The following PRKCG variants were observed in gnomAD, a reference collection of about 807,000 sequenced individuals.
PRKCG encodes the protein protein kinase C gamma type.
Under a neutral mutation model 82.0 loss-of-function variants are expected in PRKCG, and 28 were observed. The observed-to-expected ratio is 0.34, with a 90% CI of 0.25 to 0.47. The LOEUF (loss-of-function observed/expected upper bound fraction) is 0.47. Among genes scored for constraint, PRKCG ranks in the 20% least tolerant of loss-of-function variants. The pLI is 1.00. For synonymous variants in PRKCG, 383 were observed against 376.6 expected (o/e 1.02, Z -0.20); for missense variants, 640 against 952.7 (o/e 0.67, Z 4.32).
intron 5 of PRKCG, among the ~76,000 whole-genome samples, chr19:53,891,221 C>T (rs1328462427): frequency 1.3e-5 from 2 of 151,318 alleles, no homozygotes; most frequent in Non-Finnish European, 2.9e-5. Flanking sequence ...TATGCCCTGT[C>T]TTCTGGGTTC....
chr19:53,892,898 CTGTGTCTCTT>C lies in PRKCG; in HGVS notation c.822-88_822-79del. 1 of 1,272,656 alleles carries C rather than the reference CTGTGTCTCTT, an allele frequency of 7.9e-7. No individual in the cohort carries two copies. Among genetic ancestry groups the C allele is most frequent in the Admixed American group, 1.8e-5 (1 of 55,006 alleles). The allele number at this position is 1,272,656 out of a possible 1,614,324, so 78.8% of individuals were successfully genotyped here. ...CTCTTCCATCTCTGTGTCCGTCTCT[CTGTGTCTCTT>C]TCCTCCCTTCCAATGTCTTTGCCTC... On this transcript the variant is annotated intron_variant, in intron 7 of 17. Coordinates refer to ENST00000263431, the MANE Select transcript of PRKCG (RefSeq NM_002739.5). The surrounding 1 kb of genome is among the most constrained non-coding windows in gnomAD (Gnocchi z 5.9).
At chr19:53,899,711 T>C (rs1247743361) in intron 11 of PRKCG, among the ~76,000 whole-genome samples, 1 of 152,038 alleles carries the variant, frequency 6.6e-6, no homozygotes, top group Non-Finnish European at 1.5e-5. Flanking sequence ...CTCAGCCTCC[T>C]GAGTAGCTGG....
chr19:53,897,427 T>C (rs1176286821), intron 9 of PRKCG, among the ~76,000 whole-genome samples: 1 of 152,156 alleles, frequency 6.6e-6, no homozygotes, highest in Non-Finnish European at 1.5e-5. Context: ...GCAGCACCCA[T>C]GTCACCCAGA....
chr19:53,893,012 G>C lies in PRKCG; in HGVS notation c.846G>C (p.Glu282Asp). 6.2e-7 allele frequency: 1 copy of C among 1,614,086 alleles called. No homozygotes were observed. Among genetic ancestry groups the C allele is most frequent in the Non-Finnish European group, 8.5e-7 (1 of 1,180,018 alleles). ...GGTACAAGTTACTGAACCAGGAGGA[G>C]GGCGAGTATTACAATGTGCCGGTGG... ...DGWYKLLNQE[E>D]GEYYNVPVAD... Residue 282 changes from glutamate to aspartate, a missense_variant, in exon 8 of 18, where the codon GAG becomes GAC. Physicochemically the swap from Glu to Asp is conservative, Grantham distance 45. Transcript: ENST00000263431.
At position 53,906,976 on chromosome 19, in the gene PRKCG, C is replaced by G; in HGVS notation, c.*81C>G. On this transcript the variant is annotated 3_prime_UTR_variant, in exon 18 of 18. Transcript: ENST00000263431. ...CCCCACTTCACCCCCAACTTCACCA[C>G]CCCCTGTCCCATTCTAGATCCTGCA... The G allele has an allele frequency of 6.3e-7, 1 of 1,593,704 alleles. No homozygotes were observed. Among genetic ancestry groups the G allele is most frequent in the Non-Finnish European group, 8.5e-7 (1 of 1,171,016 alleles).
rs1214029838 is a variant in PRKCG at position 53,900,241 on chromosome 19, G to A, written c.1290G>A (p.Leu430=). The A allele has an allele frequency of 3.1e-6, 5 of 1,613,998 alleles. No individual in the cohort carries two copies. Among genetic ancestry groups the A allele is most frequent in the Admixed American group, 1.7e-5 (1 of 59,996 alleles). ...LHSTFQTPDR[L]YFVMEYVTGG... The stretch of plus-strand genomic sequence containing the variant: ...CATGCACTTCTCCGCAGGACCGCCT[G>A]TATTTCGTGATGGAGTACGTCACCG... The change falls in exon 12 of 18, where the codon CTG becomes CTA. Residue 430 remains leucine (L), a synonymous_variant. Transcript: ENST00000263431. This position sits in a 1 kb window ranked among gnomAD's most constrained non-coding sequence, Gnocchi z 4.2.
At position 53,884,071 on chromosome 19, in the gene PRKCG, C is replaced by A; in HGVS notation, c.203-90C>A. 1.6e-6 allele frequency: 2 copies of A among 1,281,886 alleles called. No individual in the cohort carries two copies. Among genetic ancestry groups the A allele is most frequent in the South Asian group, 1.2e-5 (1 of 83,834 alleles). 79.4% of individuals were successfully genotyped at this position (1,281,886 alleles called of 1,614,324 possible). A position where few individuals can be genotyped will look rare whatever the true frequency, so the allele number is the denominator to read the frequency against. ...TTCTGGTTTTCTCAGTGTCCGAGTT[C>A]CGCTCTCTCTTTCCAATTTTCTGTC... On this transcript the variant is annotated intron_variant, in intron 2 of 17. Transcript: ENST00000263431. The surrounding 1 kb of genome is among the most constrained non-coding windows in gnomAD (Gnocchi z 4.6).
intron 9 of PRKCG, among the ~76,000 whole-genome samples, chr19:53,893,724 A>C (rs889619987): frequency 6.6e-6 from 1 of 152,034 alleles, no homozygotes; most frequent in African/African-American, 2.4e-5. Flanking sequence ...GTGACGCCTG[A>C]ATTGATTCTT....
intron 3 of PRKCG, among the ~76,000 whole-genome samples, chr19:53,888,507 G>A (rs1452764410): frequency 4.6e-5 from 7 of 152,122 alleles, no homozygotes; most frequent in Admixed American, 4.6e-4. Flanking sequence ...AGGATGCTGA[G>A]GCTCAAAACT....
intron 9 of PRKCG, among the ~76,000 whole-genome samples, chr19:53,894,489 T>A (rs1441243053): frequency 6.6e-6 from 1 of 151,784 alleles, no homozygotes; most frequent in Non-Finnish European, 1.5e-5. Context: ...AGACAGAATC[T>A]CCTTTTGTCA....
In PRKCG at chr19:53,894,287, G is replaced by A. The variant is rs181781367; in HGVS notation, c.939+896G>A. Among the ~76,000 whole-genome samples the A allele has an allele frequency of 1.0e-3, 155 of 149,218 alleles. 1 individual carries two copies. The highest frequency in any genetic ancestry group is 7.8e-3 in the Middle Eastern group (2 of 256). ...TCACCGTGTTAGCCAGGATGGTCTC[G>A]ATCTCCTGACCTGGTGATCCACCCG... is the stretch of plus-strand genomic sequence containing the variant. On this transcript the variant is annotated intron_variant, in intron 9 of 17. Transcript: ENST00000263431.
In PRKCG at chr19:53,884,283, C is replaced by A; in HGVS notation, c.285+40C>A. The A allele has an allele frequency of 6.3e-7, 1 of 1,575,266 alleles. No individual in the cohort carries two copies. Among genetic ancestry groups the A allele is most frequent in the Non-Finnish European group, 8.7e-7 (1 of 1,146,078 alleles). Reference sequence around the variant, plus strand: ...ACCTGGTTCTCCTCCTCGGGCCGTGCCCCCGCCCTCACCCCCTCGGCGTCC... The same window carrying A: ...ACCTGGTTCTCCTCCTCGGGCCGTGACCCCGCCCTCACCCCCTCGGCGTCC... On this transcript the variant is annotated intron_variant, in intron 3 of 17. Transcript: ENST00000263431. This position sits in a 1 kb window ranked among gnomAD's most constrained non-coding sequence, Gnocchi z 4.6.
At position 53,883,653 on chromosome 19, in the gene PRKCG, C is replaced by T. The variant is rs1293215830; in HGVS notation, c.202+459C>T. On this transcript the variant is annotated intron_variant, in intron 2 of 17. Transcript: ENST00000263431. This position sits in a 1 kb window ranked among gnomAD's most constrained non-coding sequence, Gnocchi z 5.4. Reference sequence around the variant, plus strand: ...AGTTCTGGGGGGCGGGAGAGGGGGGCGAGTCCTTGAGCACCAGCTGCTACT... The same window carrying T: ...AGTTCTGGGGGGCGGGAGAGGGGGGTGAGTCCTTGAGCACCAGCTGCTACT... Among the ~76,000 whole-genome samples, 2 of 137,250 alleles carry T rather than the reference C, an allele frequency of 1.5e-5. No homozygotes were observed. Among genetic ancestry groups the T allele is most frequent in the East Asian group, 2.1e-4 (1 of 4,708 alleles). 90.0% of individuals were successfully genotyped at this position (137,250 alleles called of 152,430 possible). A position where few individuals can be genotyped will look rare whatever the true frequency, so the allele number is the denominator to read the frequency against.
chr19:53,888,660 A>G (rs1226216585), intron 3 of PRKCG, among the ~76,000 whole-genome samples: 3 of 152,134 alleles, frequency 2.0e-5, no homozygotes, highest in Non-Finnish European at 2.9e-5. Flanking sequence ...AGGCACAGCT[A>G]TGTTTTGTAC....
At chr19:53,905,933 T>A (rs966637415) in intron 16 of PRKCG, among the ~76,000 whole-genome samples, 2 of 140,896 alleles carry the variant, frequency 1.4e-5, no homozygotes, top group African/African-American at 5.4e-5. Flanking sequence ...TCTCTCTCTC[T>A]CACTCACTCT....
chr19:53,891,443 A>ATTT (rs11378432), intron 5 of PRKCG, among the ~76,000 whole-genome samples: 96 of 142,228 alleles, frequency 6.7e-4, no homozygotes, highest in Middle Eastern at 3.6e-3. Context: ...CGCCCAGCTA[A>ATTT]TTTTTTTTTT....
Position 53,898,537 on chromosome 19 carries a change from T to C in PRKCG, c.1190T>C (p.Leu397Pro). The stretch of plus-strand genomic sequence containing the variant: ...CAGGACGACGATGTGGACTGCACGC[T>C]GGTGGAGAAACGTGTGCTGGCGCTG... Reference protein sequence around the residue: ...IVQDDDVDCTLVEKRVLALGG... With the variant: ...IVQDDDVDCTPVEKRVLALGG... Residue 397 changes from leucine to proline, a missense_variant, in exon 11 of 18, where the codon CTG becomes CCG. Physicochemically the swap from Leu to Pro is moderately conservative, Grantham distance 98. Around this residue, in one of 7 missense-constraint regions of PRKCG, gnomAD observed 22 missense variants for 59.0 expected, o/e 0.37. Coordinates refer to ENST00000263431, the MANE Select transcript of PRKCG (RefSeq NM_002739.5). 1 of 1,613,758 alleles carries C rather than the reference T, an allele frequency of 6.2e-7. No homozygotes were observed. The highest frequency in any genetic ancestry group is 8.5e-7 in the Non-Finnish European group (1 of 1,180,016).
At position 53,906,765 on chromosome 19, in the gene PRKCG, C is replaced by G; in HGVS notation, c.1964C>G (p.Thr655Ser). 6.2e-7 allele frequency: 1 copy of G among 1,613,526 alleles called. No homozygotes were observed. Among genetic ancestry groups the G allele is most frequent in the Non-Finnish European group, 8.5e-7 (1 of 1,180,012 alleles). Residue 655 changes from threonine to serine, a missense_variant, in exon 18 of 18, where the codon ACC becomes AGC. Transcript: ENST00000263431. ...KFFTRAAPAL[T>S]PPDRLVLASI... ...TTCACGCGGGCGGCGCCAGCGCTGA[C>G]CCCTCCAGACCGCCTAGTCCTGGCC...
Position 53,900,829 on chromosome 19 carries a change from T to C in PRKCG, c.1575+80T>C. On this transcript the variant is annotated intron_variant, in intron 14 of 17. Coordinates refer to ENST00000263431, the MANE Select transcript of PRKCG (RefSeq NM_002739.5). The surrounding 1 kb of genome is among the most constrained non-coding windows in gnomAD (Gnocchi z 4.2). ...CTGATGGTCCAGTATTCACCACGGG[T>C]GAGGCCTGACCCTCAGACCTTGTCA... The C allele has an allele frequency of 6.2e-7, 1 of 1,602,444 alleles. No individual in the cohort carries two copies. Among genetic ancestry groups the C allele is most frequent in the Non-Finnish European group, 8.5e-7 (1 of 1,173,666 alleles).
Sources: allele counts gnomAD v4.1 joint callset (sites outside exome capture counted in the v4.1 genomes callset), GRCh38; gene constraint gnomAD v4.1.1; regional missense constraint gnomAD v4.1.1; non-coding constraint Gnocchi (gnomAD v3.1); transcripts MANE v1.5; gene names NCBI Gene and HGNC (gene_info 2026-07-23, HGNC 2026-07-21).